The following DDX54 variants were observed in gnomAD, a reference collection of about 807,000 sequenced individuals.
The protein encoded by DDX54 is DEAD-box helicase 54, also known as ATP-dependent RNA helicase DDX54.
DDX54 carries 67 observed loss-of-function variants against 105.5 expected under a neutral mutation model. The observed-to-expected ratio is 0.64, with a 90% CI of 0.52 to 0.78. The LOEUF (loss-of-function observed/expected upper bound fraction) is 0.78, where lower values mean the gene tolerates loss of function less well. Ranked by LOEUF, DDX54 falls within the 30% of genes least tolerant of loss-of-function variation. The pLI, the probability that DDX54 is intolerant of heterozygous loss-of-function variation, is 0.00. For synonymous variants in DDX54, 514 were observed against 509.9 expected (o/e 1.01, Z -0.11); for missense variants, 1,206 against 1,230.5 (o/e 0.98, Z 0.30).
intron 14 of DDX54, among the ~76,000 whole-genome samples, chr12:113,164,669 G>A (rs1193206491): frequency 6.6e-6 from 1 of 151,828 alleles, no homozygotes; most frequent in African/African-American, 2.4e-5. Flanking sequence ...AGCCGAGATT[G>A]CACCACTGCA....
intron 12 of DDX54, among the ~76,000 whole-genome samples, chr12:113,166,600 G>T (rs1345929626): frequency 4.6e-5 from 7 of 152,160 alleles, no homozygotes; most frequent in African/African-American, 1.7e-4. Flanking sequence ...CTACTCAGGG[G>T]GTGAGACAGG....
Position 113,185,464 on chromosome 12 carries a change from C to G in DDX54, c.-13G>C. ...TGTCGGCCGCCATTCGGGCCGCGCG[C>G]TGGGAACGCAGAAGGGGGCGTGGCC... is the stretch of plus-strand genomic sequence containing the variant. On this transcript the variant is annotated 5_prime_UTR_variant, in exon 1 of 20. Coordinates refer to ENST00000306014, the MANE Select transcript of DDX54 (RefSeq NM_024072.4). 6.7e-7 allele frequency: 1 copy of G among 1,491,344 alleles called. No homozygotes were observed. The highest frequency in any genetic ancestry group is 8.9e-7 in the Non-Finnish European group (1 of 1,124,550). The allele number at this position is 1,491,344 out of a possible 1,614,324, so 92.4% of individuals were successfully genotyped here.
rs553091615 is a variant in DDX54 at position 113,180,959 on chromosome 12, T to C, written c.274A>G (p.Lys92Glu). 6.2e-7 allele frequency: 1 copy of C among 1,613,824 alleles called. No individual in the cohort carries two copies. Among genetic ancestry groups the C allele is most frequent in the East Asian group, 2.2e-5 (1 of 44,848 alleles). Residue 92 changes from lysine to glutamate, a missense_variant, in exon 2 of 20, where the codon AAG (lysine) becomes GAG (glutamate). Around this residue, in one of 3 missense-constraint regions of DDX54, gnomAD observed 212 missense variants for 155.4 expected, o/e 1.36. Transcript: ENST00000306014. ...GACTGGAAGCCTCCAGACTTCTTCT[T>C]CTTCTTGTTCTGGGCACGCACCATC... ...REMVRAQNKK[K>E]KKSGGFQSMG... is the part of the protein sequence containing the mutation.
rs182596856 is a variant in DDX54 at position 113,184,998 on chromosome 12, C to A, written c.174+280G>T. ...CGAAAGGGAGCCAGGATCCGCCCCA[C>A]GAGCAGGAGGCAGCCAATGAGAGAC... is the stretch of plus-strand genomic sequence containing the variant. On this transcript the variant is annotated intron_variant, in intron 1 of 19. Coordinates refer to ENST00000306014, the MANE Select transcript of DDX54 (RefSeq NM_024072.4). Among the ~76,000 whole-genome samples, 573 of 152,302 alleles carry A rather than the reference C, an allele frequency of 3.8e-3. 5 individuals are homozygous for A. Among genetic ancestry groups the A allele is most frequent in the African/African-American group, 0.013 (526 of 41,570 alleles).
In DDX54 at chr12:113,166,038, C is replaced by T. The variant is rs753111012; in HGVS notation, c.1415-6G>A. ...GCCATCCACACCGGCCACACCTGCA[C>T]CCCACACAGCACCTTGTCAGAGGTC... On this transcript the variant is annotated splice_region_variant and splice_polypyrimidine_tract_variant and intron_variant, in intron 12 of 19. Transcript: ENST00000306014. 6.2e-7 allele frequency: 1 copy of T among 1,600,522 alleles called. No homozygotes were observed. Among genetic ancestry groups the T allele is most frequent in the South Asian group, 1.1e-5 (1 of 90,758 alleles).
rs1186634067 is a variant in DDX54, at chr12:113,176,901, C to A, written c.691G>T (p.Ala231Ser). The change falls in exon 7 of 20, where the codon GCT (alanine) becomes TCT (serine). Residue 231 changes from alanine (A) to serine (S), a missense_variant. Ala to Ser is a moderately conservative substitution (Grantham distance 99). Coordinates refer to ENST00000306014, the MANE Select transcript of DDX54 (RefSeq NM_024072.4). ...TGCAGCTTCAGGCTCATTTCCACAG[C>A]CACATGCACCAACCGTCCGGGCGTG... The part of the protein sequence containing the change: ...IATPGRLVHV[A>S]VEMSLKLQSV... The A allele has an allele frequency of 6.2e-7, 1 of 1,614,092 alleles. No homozygotes were observed. The highest frequency in any genetic ancestry group is 1.3e-5 in the African/African-American group (1 of 74,926).
intron 1 of DDX54, 47 bp from the exon 2 acceptor site, chr12:113,181,105 A>T (rs1952461690): frequency 3.8e-6 from 6 of 1,583,200 alleles, no homozygotes; most frequent in Non-Finnish European, 4.3e-6. Context: ...GCACAGTGGG[A>T]CCACAGGGGG....
intron 18 of DDX54, 82 bp from the exon 19 acceptor site, chr12:113,161,464 T>C: frequency 8.8e-7 from 1 of 1,134,636 alleles, no homozygotes; most frequent in Non-Finnish European, 1.3e-6. Flanking sequence ...GCAGACAGAG[T>C]TCCGTTATCC....
intron 1 of DDX54, among the ~76,000 whole-genome samples, chr12:113,182,341 G>C (rs956407337): frequency 6.6e-6 from 1 of 152,112 alleles, no homozygotes; most frequent in African/African-American, 2.4e-5. Flanking sequence ...TGTGAGTTTA[G>C]AACGGTTTTT....
rs556181766 is a variant in DDX54 at position 113,158,637 on chromosome 12, G to A, written c.*240C>T. ...GAGTTGCCAACTCAAGTCTTGGCCTGCCTGGCTTTGCTGGCGAACTCCTGC... is the reference window on the plus strand; with the variant it reads ...GAGTTGCCAACTCAAGTCTTGGCCTACCTGGCTTTGCTGGCGAACTCCTGC... On this transcript the variant is annotated 3_prime_UTR_variant, in exon 20 of 20. Coordinates refer to ENST00000306014, the MANE Select transcript of DDX54 (RefSeq NM_024072.4). The surrounding 1 kb of genome is among the most constrained non-coding windows in gnomAD (Gnocchi z 4.9). 2.0e-6 allele frequency: 1 copy of A among 490,228 alleles called. No individual in the cohort carries two copies. Among genetic ancestry groups the A allele is most frequent in the Non-Finnish European group, 3.5e-6 (1 of 284,600 alleles). 30.4% of individuals were successfully genotyped at this position (490,228 alleles called of 1,614,324 possible).
Position 113,161,874 on chromosome 12 carries a change from G to C in DDX54, c.2300+19C>G, listed in dbSNP as rs1238827492. 1 of 1,385,664 alleles carries C rather than the reference G, an allele frequency of 7.2e-7. No individual in the cohort carries two copies. Among genetic ancestry groups the C allele is most frequent in the Non-Finnish European group, 9.6e-7 (1 of 1,043,228 alleles). 85.8% of individuals were successfully genotyped at this position (1,385,664 alleles called of 1,614,324 possible). A position where few individuals can be genotyped will look rare whatever the true frequency, so the allele number is the denominator to read the frequency against. On this transcript the variant is annotated intron_variant, in intron 18 of 19. Coordinates refer to ENST00000306014, the MANE Select transcript of DDX54 (RefSeq NM_024072.4). ...AGCTCCTCGGCCCCGCCCCTCCCCA[G>C]CCACGCCCCTCAGGATACAGGTCTC...
At chr12:113,171,088 G>C (rs1025453727) in intron 11 of DDX54, among the ~76,000 whole-genome samples, 5 of 152,282 alleles carry the variant, frequency 3.3e-5, no homozygotes, top group African/African-American at 7.2e-5. Context: ...AATTCCCTTT[G>C]GGGGCGTCCT....
At chr12:113,184,834 T>C (rs919812653) in intron 1 of DDX54, among the ~76,000 whole-genome samples, 2 of 152,126 alleles carry the variant, frequency 1.3e-5, no homozygotes, top group African/African-American at 2.4e-5. Context: ...TCAAAAAAAA[T>C]TGTTTTAATT....
In DDX54 at chr12:113,165,888, A is replaced by G; in HGVS notation, c.1559T>C (p.Val520Ala). The G allele has an allele frequency of 1.2e-6, 2 of 1,613,752 alleles. No homozygotes were observed. The highest frequency in any genetic ancestry group is 8.5e-7 in the Non-Finnish European group (1 of 1,180,026). ...RVADNAQQQY[V>A]RSRPAPSPES... ...AGGCGAGGGCGCCGGGCGTGAGCGC[A>G]CATACTGCTGCTGGGCGTTATCAGC... is the stretch of plus-strand genomic sequence containing the variant. Residue 520 changes from valine (V) to alanine (A), a missense_variant, in exon 13 of 20, where the codon GTG (valine) becomes GCG (alanine). Coordinates refer to ENST00000306014, the MANE Select transcript of DDX54 (RefSeq NM_024072.4).
chr12:113,170,748 A>G (rs539437153), intron 11 of DDX54, among the ~76,000 whole-genome samples: 1 of 152,338 alleles, frequency 6.6e-6, no homozygotes, highest in East Asian at 1.9e-4. Flanking sequence ...AGCAGAGATG[A>G]ACAGTTATGA....
Position 113,172,391 on chromosome 12 carries a change from C to G in DDX54, c.1241G>C (p.Ser414Thr). ...IPLLDNVINY[S>T]FPAKGKLFLH... ...GAAGAGTTTGCCCTTGGCGGGGAAG[C>G]TGTAGTTGATGACATTGTCCAGCAG... Residue 414 changes from serine (S) to threonine (T), a missense_variant, in exon 11 of 20, where the codon AGC becomes ACC. Physicochemically the swap from Ser to Thr is moderately conservative, Grantham distance 58. This residue lies in a region of DDX54 where 961 missense variants were observed against 1,019.1 expected (regional missense o/e 0.94). Transcript: ENST00000306014. The G allele has an allele frequency of 6.2e-7, 1 of 1,614,212 alleles. No homozygotes were observed. Among genetic ancestry groups the G allele is most frequent in the Non-Finnish European group, 8.5e-7 (1 of 1,180,034 alleles).
chr12:113,171,330 G>A (rs1798821379), intron 11 of DDX54, among the ~76,000 whole-genome samples: 1 of 152,174 alleles, frequency 6.6e-6, no homozygotes, highest in South Asian at 2.1e-4. Context: ...GGCCAAGCAT[G>A]GTGGCTCACG....
At position 113,172,604 on chromosome 12, in the gene DDX54, TGGA is replaced by T; in HGVS notation, c.1069-44_1069-42del. On this transcript the variant is annotated intron_variant, in intron 10 of 19. Coordinates refer to ENST00000306014, the MANE Select transcript of DDX54 (RefSeq NM_024072.4). ...ATGGTAGCAAAGTGAGAAGGAGACT[TGGA>T]GGAGAAAGGAAAGGAAGCCAGACCA... 3.7e-6 allele frequency: 6 copies of T among 1,604,658 alleles called. No homozygotes were observed. In the South Asian group the frequency reaches 5.5e-5, roughly 15 times the overall value.
intron 11 of DDX54, among the ~76,000 whole-genome samples, chr12:113,172,045 T>C (rs1429374161): frequency 6.6e-6 from 1 of 151,670 alleles, no homozygotes; most frequent in Non-Finnish European, 1.5e-5. Flanking sequence ...TTGAATACTG[T>C]ACTGAAAGAA....
Sources: allele counts gnomAD v4.1 joint callset (sites outside exome capture counted in the v4.1 genomes callset), GRCh38; gene constraint gnomAD v4.1.1; regional missense constraint gnomAD v4.1.1; non-coding constraint Gnocchi (gnomAD v3.1); transcripts MANE v1.5; gene names NCBI Gene and HGNC (gene_info 2026-07-23, HGNC 2026-07-21).